The following LSR variants were observed in gnomAD, a reference collection of about 807,000 sequenced individuals.
LSR encodes lipolysis stimulated lipoprotein receptor, also known as lipolysis-stimulated lipoprotein receptor.
A neutral mutation model predicts 61.8 loss-of-function variants in LSR; 44 were observed. The ratio of observed to expected loss-of-function variants is 0.71; its 90% CI spans 0.56 to 0.91. The LOEUF (loss-of-function observed/expected upper bound fraction) is 0.91. Ranked by LOEUF, LSR falls within the 40% of genes least tolerant of loss-of-function variation. LSR has a pLI of 0.00. For missense variants in LSR, 911 were observed against 830.5 expected, an observed-to-expected ratio of 1.10 and a Z score of -1.19; for synonymous variants, 397 against 350.6, an observed-to-expected ratio of 1.13 and a Z score of -1.48.
chr19:35,267,536 G>A lies in LSR; in HGVS notation c.1572G>A (p.Arg524=), dbSNP rs1279147967. 6.2e-7 allele frequency: 1 copy of A among 1,612,186 alleles called. No individual in the cohort carries two copies. The highest frequency in any genetic ancestry group is 1.1e-5 in the South Asian group (1 of 91,010). The stretch of plus-strand genomic sequence containing the variant: ...CCAGGTCCCACCACCACCGTACCCG[G>A]GACCCTCGGGACAACGGCTCCAGGT... ...ADPRSHHHRT[R]DPRDNGSRSG... Residue 524 remains arginine, a synonymous_variant, in exon 9 of 10, where the codon CGG becomes CGA. Transcript: ENST00000605618.
Position 35,267,359 on chromosome 19 carries a change from C to A in LSR, c.1395C>A (p.Pro465=). ...PSTAESGSRS[P]TSNGGRSRAY... is the part of the protein sequence containing the mutation. ...CCGCCGAGTCAGGGAGCAGGTCTCCCACGAGTAATGGTGGGAGAAGCCGGG... is the reference window on the plus strand; with the variant it reads ...CCGCCGAGTCAGGGAGCAGGTCTCCAACGAGTAATGGTGGGAGAAGCCGGG... The change falls in exon 9 of 10, where the codon CCC becomes CCA. Residue 465 remains proline, a synonymous_variant. Transcript: ENST00000605618. 6.5e-7 allele frequency: 1 copy of A among 1,531,884 alleles called. No homozygotes were observed. Among genetic ancestry groups the A allele is most frequent in the Non-Finnish European group, 8.8e-7 (1 of 1,137,560 alleles). 94.9% of individuals were successfully genotyped at this position (1,531,884 alleles called of 1,614,324 possible). A position where few individuals can be genotyped will look rare whatever the true frequency, so the allele number is the denominator to read the frequency against.
chr19:35,267,283 GGCCCCGGGCCC>G lies in LSR; in HGVS notation c.1322_1332del (p.Pro441LeufsTer24). ...GCAGGCGGGGGCTGGCGGGCCAGGC[GGCCCCGGGCCC>G]GCTCCGTGGACGCCCTGGACGACCT... On this transcript the variant is annotated frameshift_variant, in exon 9 of 10. Transcript: ENST00000605618. LOFTEE classifies it high-confidence loss of function. The G allele has an allele frequency of 1.3e-6, 2 of 1,510,728 alleles. No homozygotes were observed. The highest frequency in any genetic ancestry group is 1.8e-6 in the Non-Finnish European group (2 of 1,128,388). 93.6% of individuals were successfully genotyped at this position (1,510,728 alleles called of 1,614,324 possible). A position where few individuals can be genotyped will look rare whatever the true frequency, so the allele number is the denominator to read the frequency against.
chr19:35,266,064 G>A (rs2065993489), intron 5 of LSR, among the ~76,000 whole-genome samples: 2 of 152,226 alleles, frequency 1.3e-5, no homozygotes, highest in Non-Finnish European at 2.9e-5. Context: ...GAATTACCAT[G>A]CTGTTAAATG....
At chr19:35,265,532 G>T (rs915240573) in intron 5 of LSR, among the ~76,000 whole-genome samples, 12 of 152,172 alleles carry the variant, frequency 7.9e-5, no homozygotes, top group Non-Finnish European at 1.3e-4. Context: ...TCAGAGGTGA[G>T]GCACCCTCTC....
intron 3 of LSR, among the ~76,000 whole-genome samples, chr19:35,259,884 C>T (rs972143384): frequency 7.9e-5 from 12 of 152,354 alleles, no homozygotes; most frequent in East Asian, 7.7e-4. Context: ...GCGGGGTGTC[C>T]GTGTGGCTGG....
At chr19:35,249,859 A>G (rs569262186) in intron 1 of LSR, among the ~76,000 whole-genome samples, 3 of 152,252 alleles carry the variant, frequency 2.0e-5, no homozygotes, top group African/African-American at 7.2e-5. Flanking sequence ...GTTCAGGCAA[A>G]CAACTCCATG....
intron 2 of LSR, among the ~76,000 whole-genome samples, chr19:35,254,863 G>A (rs993252716): frequency 2.0e-5 from 3 of 152,182 alleles, no homozygotes; most frequent in East Asian, 3.8e-4. Context: ...TATTTTTTGT[G>A]AGTTTTGAAA....
chr19:35,265,422 G>A (rs1170295830), intron 5 of LSR, among the ~76,000 whole-genome samples: 1 of 152,242 alleles, frequency 6.6e-6, no homozygotes, highest in Non-Finnish European at 1.5e-5. Flanking sequence ...CCCTTCAGGA[G>A]GCAGCAGGTC....
chr19:35,252,276 G>A (rs919662170), intron 2 of LSR, among the ~76,000 whole-genome samples: 1 of 152,176 alleles, frequency 6.6e-6, no homozygotes, highest in Non-Finnish European at 1.5e-5. Context: ...GATTGGGATG[G>A]CTGAAGTTTC....
intron 5 of LSR, among the ~76,000 whole-genome samples, chr19:35,265,099 C>G (rs1669748771): frequency 6.6e-6 from 1 of 152,204 alleles, no homozygotes; most frequent in Non-Finnish European, 1.5e-5. Flanking sequence ...GATCACTTCC[C>G]TGAAAAAATT....
intron 5 of LSR, 84 bp downstream of exon 5, chr19:35,262,776 A>C: frequency 6.5e-7 from 1 of 1,536,416 alleles, no homozygotes; most frequent in Non-Finnish European, 8.8e-7. Flanking sequence ...TGCCCCCAGG[A>C]CAGTGGCGTT....
chr19:35,249,381 G>A, intron 1 of LSR: 1 of 509,222 alleles, frequency 2.0e-6, no homozygotes. Flanking sequence ...GAGACCCGGA[G>A]CGGCAGGGAG....
In LSR at chr19:35,267,652, A is replaced by C. The variant is rs773692406; in HGVS notation, c.1688A>C (p.Glu563Ala). 10 of 1,610,060 alleles carry C rather than the reference A, an allele frequency of 6.2e-6. No individual in the cohort carries two copies. In the South Asian group the frequency reaches 1.1e-4, roughly 18 times the overall value. ...EERRRPHKEE[E>A]EEAYYPPAPP... ...AGGAGGAGACCCCACAAGGAGGAGG[A>C]GGAAGAGGCCTACTACCCGCCCGCG... The change falls in exon 9 of 10, where the codon GAG (glutamate) becomes GCG (alanine). Residue 563 changes from glutamate to alanine, a missense_variant. Transcript: ENST00000605618.
rs115914087 is a variant in LSR, at chr19:35,252,940, G to T, written c.454+2281G>T. On this transcript the variant is annotated intron_variant, in intron 2 of 9. Coordinates refer to ENST00000605618, the MANE Select transcript of LSR (RefSeq NM_205834.4). ...GGAGGCTGAGGTGGGAGGATTGCTT[G>T]GGCTTGAGAGGTCAAGGCTTCAGTG... Among the ~76,000 whole-genome samples, 590 of 152,230 alleles carry T rather than the reference G, an allele frequency of 3.9e-3. 4 individuals are homozygous for T. Among genetic ancestry groups the T allele is most frequent in the African/African-American group, 0.014 (568 of 41,528 alleles).
intron 1 of LSR, chr19:35,249,333 AT>A: frequency 5.1e-6 from 3 of 590,138 alleles, no homozygotes; most frequent in East Asian, 3.3e-5. Context: ...CCGCGCCCTT[AT>A]CTGGAAGATA....
Position 35,262,624 on chromosome 19 carries a change from G to A in LSR, c.710G>A (p.Cys237Tyr). The change falls in exon 5 of 10, where the codon TGC becomes TAC. Residue 237 changes from cysteine (C) to tyrosine (Y), a missense_variant. Transcript: ENST00000605618. ...LLLGICWCQC[C>Y]PHTCCCYVRC... ...CTGGGCATCTGCTGGTGCCAGTGCT[G>A]CCCGCACACTTGCTGCTGCTACGTC... 6.2e-7 allele frequency: 1 copy of A among 1,614,198 alleles called. No homozygotes were observed. The highest frequency in any genetic ancestry group is 1.1e-5 in the South Asian group (1 of 91,086).
Position 35,267,534 on chromosome 19 carries a change from CG to C in LSR, c.1573del (p.Asp525ThrfsTer23). On this transcript the variant is annotated frameshift_variant, in exon 9 of 10. Transcript: ENST00000605618. LOFTEE classifies it high-confidence loss of function. ...CCCCAGGTCCCACCACCACCGTACC[CG>C]GGACCCTCGGGACAACGGCTCCAGG... ...ADPRSHHHRT[R>X]DPRDNGSRSG... 1.9e-6 allele frequency: 3 copies of C among 1,612,094 alleles called. No individual in the cohort carries two copies. Among genetic ancestry groups the C allele is most frequent in the Non-Finnish European group, 2.5e-6 (3 of 1,179,736 alleles).
chr19:35,266,326 A>ATTGTG, intron 5 of LSR, 33 bp from the exon 6 acceptor site: 1 of 1,529,174 alleles, frequency 6.5e-7, no homozygotes, highest in Non-Finnish European at 8.8e-7. Flanking sequence ...CTCCTGCCTC[A>ATTGTG]TCCCCCTTCT....
At chr19:35,255,447 GTAA>G (rs776547605) in intron 2 of LSR, among the ~76,000 whole-genome samples, 143 of 151,632 alleles carry the variant, frequency 9.4e-4, no homozygotes, top group Non-Finnish European at 1.5e-3. Flanking sequence ...CCAGCACATA[GTAA>G]GAGCTCAATA....
Sources: allele counts gnomAD v4.1 joint callset (sites outside exome capture counted in the v4.1 genomes callset), GRCh38; gene constraint gnomAD v4.1.1; transcripts MANE v1.5; gene names NCBI Gene and HGNC (gene_info 2026-07-23, HGNC 2026-07-21).